The following WIPF2 variants were observed in gnomAD, a reference collection of about 807,000 sequenced individuals.
The protein encoded by WIPF2 is WAS/WASL-interacting protein family member 2.
WIPF2 carries 23 observed loss-of-function variants against 38.8 expected under a neutral mutation model. The ratio of observed to expected loss-of-function variants is 0.59; its 90% CI spans 0.43 to 0.84. The LOEUF (loss-of-function observed/expected upper bound fraction) is 0.84, where lower values mean the gene tolerates loss of function less well. Among genes scored for constraint, WIPF2 ranks in the 40% least tolerant of loss-of-function variants. The probability of loss-of-function intolerance (pLI) is 0.00; values close to 1 mark genes in which losing one functional copy is unlikely to be tolerated. For synonymous variants in WIPF2, 210 were observed against 223.2 expected, an observed-to-expected ratio of 0.94 and a Z score of 0.53; for missense variants, 574 against 580.5, an observed-to-expected ratio of 0.99 and a Z score of 0.11.
chr17:40,265,208 A>G lies in WIPF2; in HGVS notation c.970+62A>G, dbSNP rs2032049651. On this transcript the variant is annotated intron_variant, in intron 5 of 7. Coordinates refer to ENST00000323571, the MANE Select transcript of WIPF2 (RefSeq NM_133264.5). ...GTGAGTTGATTTTATCTTTCCCCAG[A>G]GCACTCCTTGAAGACAGTAATTCGT... is the stretch of plus-strand genomic sequence containing the variant. The G allele has an allele frequency of 2.6e-6, 4 of 1,516,524 alleles. No homozygotes were observed. The African/African-American group carries it at 4.2e-5, about 16-fold the overall frequency. The allele number at this position is 1,516,524 out of a possible 1,614,324, so 93.9% of individuals were successfully genotyped here. A position where few individuals can be genotyped will look rare whatever the true frequency, so the allele number is the denominator to read the frequency against.
At chr17:40,228,634 T>G (rs1344278841) in intron 1 of WIPF2, among the ~76,000 whole-genome samples, 1 of 151,702 alleles carries the variant, frequency 6.6e-6, no homozygotes, top group Non-Finnish European at 1.5e-5. Context: ...ATTTTCTTGG[T>G]CTTTTTTTTT....
intron 3 of WIPF2, 46 bp downstream of exon 3, chr17:40,260,713 G>A: frequency 6.2e-7 from 1 of 1,613,062 alleles, no homozygotes; most frequent in Non-Finnish European, 8.5e-7. Flanking sequence ...GATCCCAGGA[G>A]TGACTTGGAG....
rs189330364 is a variant in WIPF2, at chr17:40,279,095, C to T, written c.*870C>T. 3 of 152,196 alleles carry T rather than the reference C, an allele frequency of 2.0e-5. No individual in the cohort carries two copies. The highest frequency in any genetic ancestry group is 4.4e-5 in the Non-Finnish European group (3 of 68,054). The allele number at this position is 152,196 out of a possible 1,614,324, so 9.4% of individuals were successfully genotyped here. On this transcript the variant is annotated 3_prime_UTR_variant, in exon 8 of 8. Coordinates refer to ENST00000323571, the MANE Select transcript of WIPF2 (RefSeq NM_133264.5). ...CATCATTCATTCCTGATTCACAAAC[C>T]CCAAAAACCTCTGGTGGGAGATAGG...
At chr17:40,256,298 C>G (rs926702228) in intron 1 of WIPF2, 93 bp from the exon 2 acceptor site, 2 of 980,640 alleles carry the variant, frequency 2.0e-6, no homozygotes, top group South Asian at 1.7e-5. Context: ...GGTGTTCAGT[C>G]TCTTTTGATT....
intron 1 of WIPF2, chr17:40,220,591 A>ATATATATATATATATATATATATATG (rs2030157365): frequency 1.3e-5 from 1 of 76,716 alleles, no homozygotes; most frequent in Non-Finnish European, 2.5e-5. Flanking sequence ...ATATATATAT[A>ATATATATATATATATATATATATATG]TATATATATA....
intron 1 of WIPF2, among the ~76,000 whole-genome samples, chr17:40,255,885 C>G (rs2031709323): frequency 6.6e-6 from 1 of 151,870 alleles, no homozygotes; most frequent in African/African-American, 2.4e-5. Flanking sequence ...CTCGGCCTCC[C>G]AAAGTGCTGG....
At chr17:40,252,065 T>C (rs545327961) in intron 1 of WIPF2, among the ~76,000 whole-genome samples, 2 of 152,298 alleles carry the variant, frequency 1.3e-5, no homozygotes, top group South Asian at 2.1e-4. Flanking sequence ...GCTGCAATTA[T>C]AGGCAAGCGC....
intron 6 of WIPF2, 136 bp downstream of exon 6, chr17:40,274,135 C>T (rs2032321990): frequency 1.5e-6 from 1 of 666,102 alleles, no homozygotes; most frequent in South Asian, 2.3e-5. Flanking sequence ...CTCCTGCTGA[C>T]TTCATCCTCA....
At chr17:40,248,148 A>T (rs1598480877) in intron 1 of WIPF2, among the ~76,000 whole-genome samples, 1 of 134,508 alleles carries the variant, frequency 7.4e-6, no homozygotes, top group Non-Finnish European at 1.6e-5. Flanking sequence ...TTTAATAAAA[A>T]TTTAAAAGTT....
At chr17:40,257,181 G>A (rs2145365192) in intron 2 of WIPF2, among the ~76,000 whole-genome samples, 1 of 152,134 alleles carries the variant, frequency 6.6e-6, no homozygotes, top group East Asian at 1.9e-4. Flanking sequence ...GTTTCACCAT[G>A]TTGGCCAGGC....
intron 3 of WIPF2, among the ~76,000 whole-genome samples, chr17:40,261,035 T>TAAAAAA (rs34087528): frequency 7.5e-5 from 7 of 93,576 alleles, no homozygotes; most frequent in Non-Finnish European, 1.4e-4. Context: ...CTCAAAAAGG[T>TAAAAAA]AAAAAAAAAA....
intron 5 of WIPF2, among the ~76,000 whole-genome samples, chr17:40,272,022 CT>C (rs112586864): frequency 1.6e-3 from 222 of 142,028 alleles, no homozygotes; most frequent in Admixed American, 1.6e-3. Context: ...TGAACATTTT[CT>C]TTTTTTTTTT....
At chr17:40,269,791 G>T (rs1447652237) in intron 5 of WIPF2, among the ~76,000 whole-genome samples, 1 of 150,250 alleles carries the variant, frequency 6.7e-6, no homozygotes, top group Admixed American at 6.6e-5. Context: ...ATCTTTAGTA[G>T]AGATGGGGTT....
At chr17:40,233,457 A>G (rs1265266782) in intron 1 of WIPF2, among the ~76,000 whole-genome samples, 1 of 151,344 alleles carries the variant, frequency 6.6e-6, no homozygotes, top group East Asian at 1.9e-4. Flanking sequence ...TATATTATCC[A>G]TATTTCTATA....
chr17:40,220,591 A>ATG (rs1430928790), intron 1 of WIPF2: 14 of 76,716 alleles, frequency 1.8e-4, no homozygotes, highest in East Asian at 5.8e-4. Flanking sequence ...ATATATATAT[A>ATG]TATATATATA....
At chr17:40,234,840 G>A (rs1008200086) in intron 1 of WIPF2, among the ~76,000 whole-genome samples, 4 of 152,064 alleles carry the variant, frequency 2.6e-5, no homozygotes, top group African/African-American at 7.2e-5. Context: ...CCATCTGTCC[G>A]AGGCCACGCA....
intron 5 of WIPF2, among the ~76,000 whole-genome samples, chr17:40,271,925 G>A (rs942229485): frequency 6.6e-5 from 10 of 151,690 alleles, no homozygotes; most frequent in African/African-American, 2.4e-4. Context: ...TGCTTTTGAC[G>A]TTACCTTCTA....
In WIPF2 at chr17:40,265,713, C is replaced by T. The variant is rs79266724; in HGVS notation, c.970+567C>T. On this transcript the variant is annotated intron_variant, in intron 5 of 7. Coordinates refer to ENST00000323571, the MANE Select transcript of WIPF2 (RefSeq NM_133264.5). ...GGAAAGCTGGAGCTGCAGGGGAGAG[C>T]GCACTGCAGGATTTTGCAAAGACCT... 3.7e-3 allele frequency among the ~76,000 whole-genome samples: 561 copies of T among 152,130 alleles called. 1 individual carries two copies. The highest frequency in any genetic ancestry group is 0.013 in the African/African-American group (538 of 41,492).
intron 3 of WIPF2, 44 bp downstream of exon 3, chr17:40,260,711 G>A: frequency 1.2e-6 from 2 of 1,613,010 alleles, no homozygotes; most frequent in Non-Finnish European, 1.7e-6. Context: ...AGGATCCCAG[G>A]AGTGACTTGG....
Sources: allele counts gnomAD v4.1 joint callset (sites outside exome capture counted in the v4.1 genomes callset), GRCh38; gene constraint gnomAD v4.1.1; transcripts MANE v1.5; gene names NCBI Gene and HGNC (gene_info 2026-07-23, HGNC 2026-07-21).